Variants in EPB41L5 observed in about 807,000 individuals in gnomAD.
The protein encoded by EPB41L5 is erythrocyte membrane protein band 4.1 like 5.
EPB41L5 carries 55 observed loss-of-function variants against 106.6 expected under a neutral mutation model. The ratio of observed to expected loss-of-function variants is 0.52; its 90% CI spans 0.42 to 0.65. EPB41L5 has a LOEUF of 0.65. Among genes scored for constraint, EPB41L5 ranks in the 30% least tolerant of loss-of-function variants. The probability of loss-of-function intolerance (pLI) is 0.00; values close to 1 mark genes in which losing one functional copy is unlikely to be tolerated. For synonymous variants in EPB41L5, 297 were observed against 306.7 expected (o/e 0.97, Z 0.33); for missense variants, 871 against 882.1 (o/e 0.99, Z 0.16).
At chr2:120,085,014 G>A (rs1682957877) in intron 10 of EPB41L5, among the ~76,000 whole-genome samples, 1 of 152,090 alleles carries the variant, frequency 6.6e-6, no homozygotes, top group Non-Finnish European at 1.5e-5. Context: ...AGTTATTCTA[G>A]TTAGCCGTTT....
chr2:120,039,233 A>T (rs1389764389), intron 2 of EPB41L5, among the ~76,000 whole-genome samples: 2 of 152,130 alleles, frequency 1.3e-5, no homozygotes, highest in African/African-American at 4.8e-5. Context: ...GCAAATTCTT[A>T]GAGACAGAAA....
intron 3 of EPB41L5, among the ~76,000 whole-genome samples, chr2:120,055,582 G>A (rs374332121): frequency 5.8e-5 from 8 of 138,178 alleles, no homozygotes; most frequent in African/African-American, 1.1e-4. Context: ...TCTGCCTCCC[G>A]GGTTCACGCC....
At chr2:120,059,275 A>G (rs1680866842) in intron 3 of EPB41L5, among the ~76,000 whole-genome samples, 1 of 152,230 alleles carries the variant, frequency 6.6e-6, no homozygotes, top group African/African-American at 2.4e-5. Context: ...GCAGCTGGAT[A>G]TCTGTAAGAC....
Position 120,160,993 on chromosome 2 carries a change from C to G in EPB41L5, c.1887+19C>G, listed in dbSNP as rs1687119607. The G allele has an allele frequency of 6.2e-7, 1 of 1,601,474 alleles. No homozygotes were observed. The highest frequency in any genetic ancestry group is 8.6e-7 in the Non-Finnish European group (1 of 1,169,046). On this transcript the variant is annotated intron_variant, in intron 21 of 24. Coordinates refer to ENST00000263713, the MANE Select transcript of EPB41L5 (RefSeq NM_020909.4). ...TCTAAAGGTAAGAATACTTTTACTT[C>G]TTAAAATTTTTGCCAAAGACAGTTT...
intron 24 of EPB41L5, among the ~76,000 whole-genome samples, chr2:120,173,498 C>T (rs564608570): frequency 6.6e-6 from 1 of 152,080 alleles, no homozygotes; most frequent in Non-Finnish European, 1.5e-5. Context: ...AGAGACCCCA[C>T]TTTGAGAACC....
intron 2 of EPB41L5, among the ~76,000 whole-genome samples, chr2:120,040,264 A>C (rs1679320670): frequency 6.6e-6 from 1 of 152,172 alleles, no homozygotes; most frequent in African/African-American, 2.4e-5. Flanking sequence ...ATGATTAAGA[A>C]AAACTCACAC....
rs1574646047 is a variant in EPB41L5, at chr2:120,091,645, A to T, written c.1134A>T (p.Arg378=). ...GGCCCAGCAAACGATATTCTAGACGAACTCTACAAATGAAAGGTGAAGTGC... is the reference window on the plus strand; with the variant it reads ...GGCCCAGCAAACGATATTCTAGACGTACTCTACAAATGAAAGGTGAAGTGC... The part of the protein sequence containing the change: ...ERRPSKRYSR[R]TLQMKACATK... Residue 378 remains arginine, a synonymous_variant, in exon 13 of 25, where the codon CGA becomes CGT. Transcript: ENST00000263713. The T allele has an allele frequency of 6.2e-7, 1 of 1,612,944 alleles. No homozygotes were observed. The highest frequency in any genetic ancestry group is 8.5e-7 in the Non-Finnish European group (1 of 1,179,086).
chr2:120,066,236 G>A (rs919747599), intron 3 of EPB41L5, among the ~76,000 whole-genome samples: 1 of 151,788 alleles, frequency 6.6e-6, no homozygotes, highest in Non-Finnish European at 1.5e-5. Flanking sequence ...TGGAGTAAGC[G>A]GATAATATAG....
chr2:120,088,109 A>G (rs1209306720), intron 11 of EPB41L5, among the ~76,000 whole-genome samples: 1 of 152,190 alleles, frequency 6.6e-6, no homozygotes, highest in Non-Finnish European at 1.5e-5. Flanking sequence ...CACTATGTAT[A>G]TGGGTATTCA....
intron 12 of EPB41L5, among the ~76,000 whole-genome samples, chr2:120,091,185 A>AAAAGTG (rs1382182143): frequency 6.6e-5 from 10 of 152,218 alleles, no homozygotes; most frequent in Admixed American, 6.5e-4. Context: ...AATTATACTG[A>AAAAGTG]AAAGTGAATA....
At chr2:120,133,266 A>G (rs1192648057) in intron 18 of EPB41L5, among the ~76,000 whole-genome samples, 1 of 152,180 alleles carries the variant, frequency 6.6e-6, no homozygotes, top group Admixed American at 6.5e-5. Context: ...ATAGCTCTCC[A>G]TACAAGAAAG....
intron 16 of EPB41L5, among the ~76,000 whole-genome samples, chr2:120,122,330 T>G (rs1685255496): frequency 6.6e-6 from 1 of 152,244 alleles, no homozygotes; most frequent in Non-Finnish European, 1.5e-5. Context: ...AAGTCTTTAA[T>G]CCATCATAAA....
chr2:120,016,387 G>A (rs1236794607), intron 1 of EPB41L5, among the ~76,000 whole-genome samples: 10 of 151,442 alleles, frequency 6.6e-5, no homozygotes, highest in Admixed American at 6.6e-4. Flanking sequence ...CCGAGATCGC[G>A]CCATTGCACT....
chr2:120,172,405 G>A (rs770369770), intron 24 of EPB41L5, among the ~76,000 whole-genome samples: 1 of 152,134 alleles, frequency 6.6e-6, no homozygotes, highest in African/African-American at 2.4e-5. Flanking sequence ...GGGGAAAAAC[G>A]GAGTACGTAC....
intron 1 of EPB41L5, among the ~76,000 whole-genome samples, chr2:120,017,861 A>G (rs1677631007): frequency 6.6e-6 from 1 of 152,120 alleles, no homozygotes. Flanking sequence ...GCAGTGAGGC[A>G]TCTCAGCTCA....
At chr2:120,148,411 C>T (rs557940041) in intron 20 of EPB41L5, among the ~76,000 whole-genome samples, 2 of 150,130 alleles carry the variant, frequency 1.3e-5, no homozygotes, top group East Asian at 4.1e-4. Context: ...CCTCATTCTA[C>T]CTTACCTAAG....
At chr2:120,066,652 A>G (rs78964634) in intron 3 of EPB41L5, among the ~76,000 whole-genome samples, 7,000 of 152,238 alleles carry the variant, frequency 0.046, 230 homozygotes, top group Non-Finnish European at 0.072. Context: ...GACATTATCT[A>G]CTGTCTAGTC....
At chr2:120,143,522 AG>A (rs1030021200) in intron 19 of EPB41L5, among the ~76,000 whole-genome samples, 1 of 152,104 alleles carries the variant, frequency 6.6e-6, no homozygotes, top group Non-Finnish European at 1.5e-5. Flanking sequence ...TGAAGGATGG[AG>A]GGGGTAGGGA....
intron 24 of EPB41L5, among the ~76,000 whole-genome samples, chr2:120,170,023 TA>T (rs2105568759): frequency 6.6e-6 from 1 of 152,318 alleles, no homozygotes; most frequent in East Asian, 1.9e-4. Flanking sequence ...TATTTTTATA[TA>T]AATACCCAAT....
Sources: allele counts gnomAD v4.1 joint callset (sites outside exome capture counted in the v4.1 genomes callset), GRCh38; gene constraint gnomAD v4.1.1; transcripts MANE v1.5; gene names NCBI Gene and HGNC (gene_info 2026-07-23, HGNC 2026-07-21).